The following SHROOM3 variants were observed in gnomAD, a reference collection of about 807,000 sequenced individuals.
SHROOM3 encodes the protein shroom family member 3.
A neutral mutation model predicts 138.6 loss-of-function variants in SHROOM3; 47 were observed. That is an observed-to-expected ratio of 0.34 (90% CI 0.27 to 0.43). The LOEUF (loss-of-function observed/expected upper bound fraction) is 0.43, where lower values mean the gene tolerates loss of function less well. SHROOM3 is among the 20% of genes least tolerant of loss of function. The probability of loss-of-function intolerance (pLI) is 1.00; values close to 1 mark genes in which losing one functional copy is unlikely to be tolerated. For missense variants in SHROOM3, 2,491 were observed against 2,596.5 expected, an observed-to-expected ratio of 0.96 and a Z score of 0.88; for synonymous variants, 1,062 against 1,063.3, an observed-to-expected ratio of 1.00 and a Z score of 0.02.
chr4:76,527,046 G>A (rs13151434), intron 1 of SHROOM3, among the ~76,000 whole-genome samples: 10,386 of 152,144 alleles, frequency 0.068, 415 homozygotes, highest in East Asian at 0.2. Context: ...GCTGATGCTT[G>A]CCTACTTTCT....
rs185769286 is a variant in SHROOM3, at chr4:76,590,400, T to C, written c.323+34637T>C. Among the ~76,000 whole-genome samples the C allele has an allele frequency of 1.7e-3, 265 of 152,222 alleles. 5 individuals are homozygous for C. The South Asian group carries it at 0.039, about 22-fold the overall frequency. On this transcript the variant is annotated intron_variant, in intron 2 of 10. Transcript: ENST00000296043. ...GAAGGTATTTCAGGAATGTTAATGG[T>C]ATGCCTGAGTGGAGGCCGCAGAGCT...
intron 9 of SHROOM3, among the ~76,000 whole-genome samples, chr4:76,764,993 G>A (rs1002136624): frequency 1.3e-5 from 2 of 151,744 alleles, no homozygotes; most frequent in African/African-American, 4.8e-5. Context: ...AGTTCATATT[G>A]TCCCACAAGC....
At chr4:76,614,647 C>A (rs370922663) in intron 2 of SHROOM3, among the ~76,000 whole-genome samples, 2 of 152,102 alleles carry the variant, frequency 1.3e-5, no homozygotes, top group South Asian at 2.1e-4. Flanking sequence ...CTTTGCTCCC[C>A]ACCCACTAAC....
chr4:76,570,572 A>G (rs1478825997), intron 2 of SHROOM3, among the ~76,000 whole-genome samples: 2 of 152,216 alleles, frequency 1.3e-5, no homozygotes, highest in African/African-American at 4.8e-5. Context: ...AGCAATGAAT[A>G]TAAACATGAG....
intron 3 of SHROOM3, among the ~76,000 whole-genome samples, chr4:76,711,672 G>C (rs1290409385): frequency 6.6e-6 from 1 of 152,096 alleles, no homozygotes; most frequent in East Asian, 1.9e-4. Flanking sequence ...TAGCCTGGGA[G>C]ACAGAGCTTC....
At chr4:76,463,768 A>T (rs1002250225) in intron 1 of SHROOM3, among the ~76,000 whole-genome samples, 3 of 152,224 alleles carry the variant, frequency 2.0e-5, no homozygotes. Context: ...GTCAGGGTAC[A>T]GCTCAGGCCA....
chr4:76,706,427 T>C (rs1051204897), intron 2 of SHROOM3, among the ~76,000 whole-genome samples: 8 of 152,216 alleles, frequency 5.3e-5, no homozygotes, highest in African/African-American at 1.7e-4. Context: ...AGAATGTTAT[T>C]ATGCTAAGAA....
chr4:76,551,178 A>G (rs1321418181), intron 1 of SHROOM3, among the ~76,000 whole-genome samples: 1 of 151,904 alleles, frequency 6.6e-6, no homozygotes, highest in Non-Finnish European at 1.5e-5. Flanking sequence ...GCTAATTCTA[A>G]AAGTGCAGTG....
chr4:76,686,358 A>G (rs1423329446), intron 2 of SHROOM3, among the ~76,000 whole-genome samples: 1 of 152,170 alleles, frequency 6.6e-6, no homozygotes, highest in Non-Finnish European at 1.5e-5. Flanking sequence ...TATGTTACAA[A>G]ACCAAATTGC....
chr4:76,596,859 C>T (rs1195465269), intron 2 of SHROOM3, among the ~76,000 whole-genome samples: 4 of 152,186 alleles, frequency 2.6e-5, no homozygotes, highest in Non-Finnish European at 4.4e-5. Context: ...TGGCTCACCC[C>T]GGAGCCATCA....
intron 1 of SHROOM3, among the ~76,000 whole-genome samples, chr4:76,533,875 G>T (rs1732884197): frequency 6.6e-6 from 1 of 152,198 alleles, no homozygotes; most frequent in African/African-American, 2.4e-5. Flanking sequence ...ACACTCCCGT[G>T]TCTCGAGTAG....
chr4:76,624,231 G>A (rs541097954), intron 2 of SHROOM3, among the ~76,000 whole-genome samples: 7 of 152,166 alleles, frequency 4.6e-5, no homozygotes, highest in South Asian at 2.1e-4. Flanking sequence ...ACATTTCAGC[G>A]TGCTGCACTC....
chr4:76,575,565 G>A (rs1249440036), intron 2 of SHROOM3: 2 of 152,308 alleles, frequency 1.3e-5, no homozygotes, highest in East Asian at 3.9e-4. Flanking sequence ...TGGTGCAAAA[G>A]TGATTGCAGT....
At chr4:76,585,109 A>C (rs1397159812) in intron 2 of SHROOM3, among the ~76,000 whole-genome samples, 1 of 152,216 alleles carries the variant, frequency 6.6e-6, no homozygotes, top group Non-Finnish European at 1.5e-5. Flanking sequence ...ATGCAATGAT[A>C]CTTTGAGGAT....
rs1056188428 is a variant in SHROOM3, at chr4:76,745,969, A to C, written c.3754-3048A>C. 5.5e-4 allele frequency among the ~76,000 whole-genome samples: 83 copies of C among 152,244 alleles called. 3 individuals carry two copies. The highest frequency in any genetic ancestry group is 8.8e-5 in the Non-Finnish European group (6 of 68,046). On this transcript the variant is annotated intron_variant, in intron 5 of 10. Transcript: ENST00000296043. ...TCCCTCCAGCCTGGGCAACAGAGCA[A>C]GACTCTGTCTCAAAAAATAAAATAA...
rs1026512081 is a variant in SHROOM3, at chr4:76,613,615, G to A, written c.323+57852G>A. On this transcript the variant is annotated intron_variant, in intron 2 of 10. Transcript: ENST00000296043. ...AATTGGAAAACTCAGATAGGGCTTC[G>A]ATGGAAGTCACCCATTCAAACCTGT... Among the ~76,000 whole-genome samples, 20 of 152,150 alleles carry A rather than the reference G, an allele frequency of 1.3e-4. 1 individual carries two copies. The highest frequency in any genetic ancestry group is 1.2e-3 in the Admixed American group (18 of 15,280).
At chr4:76,641,902 A>G (rs1034465674) in intron 2 of SHROOM3, among the ~76,000 whole-genome samples, 1 of 152,156 alleles carries the variant, frequency 6.6e-6, no homozygotes, top group African/African-American at 2.4e-5. Context: ...CTCCAGGGAG[A>G]GGCAGGTGCT....
At chr4:76,478,636 C>A (rs1731539169) in intron 1 of SHROOM3, among the ~76,000 whole-genome samples, 1 of 152,210 alleles carries the variant, frequency 6.6e-6, no homozygotes, top group Non-Finnish European at 1.5e-5. Flanking sequence ...TGCTAAGGGA[C>A]AGACTGCCTC....
rs573679843 is a variant in SHROOM3 at position 76,763,341 on chromosome 4, C to T, written c.5349+3646C>T. 1.9e-3 allele frequency among the ~76,000 whole-genome samples: 291 copies of T among 151,794 alleles called. 3 individuals are homozygous for T. The highest frequency in any genetic ancestry group is 2.7e-3 in the African/African-American group (113 of 41,388). On this transcript the variant is annotated intron_variant, in intron 9 of 10. Coordinates refer to ENST00000296043, the MANE Select transcript of SHROOM3 (RefSeq NM_020859.4). Reference sequence around the variant, plus strand: ...GGCAGAGGTTGCAGTGAGCTGAGATCGTGCCACTGCACTCCAGACTGGGCG... The same window carrying T: ...GGCAGAGGTTGCAGTGAGCTGAGATTGTGCCACTGCACTCCAGACTGGGCG...
Sources: gnomAD v4.1 joint callset for allele counts (sites outside exome capture counted in the v4.1 genomes callset) on GRCh38, gnomAD v4.1.1 for gene constraint, MANE v1.5 for transcripts, NCBI Gene and HGNC (gene_info 2026-07-23, HGNC 2026-07-21) for gene names.